The following POLD1 variants were observed in gnomAD, a reference collection of about 807,000 sequenced individuals.
The protein encoded by POLD1 is DNA polymerase delta catalytic subunit.
Under a neutral mutation model 129.7 loss-of-function variants are expected in POLD1, and 79 were observed. That is an observed-to-expected ratio of 0.61 (90% CI 0.51 to 0.73). POLD1 has a LOEUF of 0.73. Ranked by LOEUF, POLD1 falls within the 30% of genes least tolerant of loss-of-function variation. The pLI, the probability that POLD1 is intolerant of heterozygous loss-of-function variation, is 0.00. For missense variants in POLD1, 1,338 were observed against 1,595.8 expected (o/e 0.84, Z 2.75); for synonymous variants, 714 against 683.3 (o/e 1.04, Z -0.70).
intron 1 of POLD1, among the ~76,000 whole-genome samples, chr19:50,392,331 C>T (rs1172959013): frequency 6.6e-6 from 1 of 152,196 alleles, no homozygotes. Flanking sequence ...CTCCTGGCCT[C>T]AAGTGATCAT....
At chr19:50,395,875 A>ATTT (rs1910789546) in intron 1 of POLD1, among the ~76,000 whole-genome samples, 2 of 69,192 alleles carry the variant, frequency 2.9e-5, no homozygotes, top group African/African-American at 1.5e-4. Flanking sequence ...GAGGATATAT[A>ATTT]CTTTTTTTTT....
At chr19:50,416,231 G>A (rs2039282860) in intron 22 of POLD1, 165 bp from the exon 23 acceptor site, 2 of 660,140 alleles carry the variant, frequency 3.0e-6, no homozygotes, top group East Asian at 2.7e-5. Flanking sequence ...CAGACTCTGT[G>A]GCCCAGAGAC....
At position 50,413,521 on chromosome 19, in the gene POLD1, G is replaced by A. The variant is rs2039163019; in HGVS notation, c.2250G>A (p.Lys750=). 5 of 1,605,648 alleles carry A rather than the reference G, an allele frequency of 3.1e-6. No individual in the cohort carries two copies. Among genetic ancestry groups the A allele is most frequent in the Non-Finnish European group, 4.3e-6 (5 of 1,175,764 alleles). The change falls in exon 18 of 27, where the codon AAG becomes AAA. Residue 750 remains lysine (K), a splice_region_variant and synonymous_variant. Coordinates refer to ENST00000440232, the MANE Select transcript of POLD1 (RefSeq NM_002691.4). The part of the protein sequence containing the change: ...TVENGYSTSA[K]VVYGDTDSVM... ...AGAATGGCTACAGCACCAGTGCCAA[G>A]GTCGGGGGCTGCCCACCGCTGCCCT... is the stretch of plus-strand genomic sequence containing the variant.
chr19:50,390,369 A>G (rs2038115016), intron 1 of POLD1, among the ~76,000 whole-genome samples: 1 of 151,784 alleles, frequency 6.6e-6, no homozygotes, highest in South Asian at 2.1e-4. Context: ...ATGGAGTCTC[A>G]TTTGTGTGTA....
chr19:50,387,070 T>C (rs3219303), intron 1 of POLD1, among the ~76,000 whole-genome samples: 16,896 of 152,014 alleles, frequency 0.11, 1,048 homozygotes, highest in South Asian at 0.2. Context: ...TGGGCGCCTG[T>C]AATCCCAGCA....
In POLD1 at chr19:50,409,206, C is replaced by T. The variant is rs45605236; in HGVS notation, c.1977C>T (p.Ile659=). 3.6e-3 allele frequency: 5,768 copies of T among 1,612,682 alleles called. 23 individuals carry two copies. Among genetic ancestry groups the T allele is most frequent in the Admixed American group, 4.8e-3 (287 of 60,024 alleles). ...TSVRKGLLPQ[I]LENLLSARKR... ...TGCGGAAGGGGCTGCTGCCCCAGAT[C>T]CTGGAGAACCTGCTCAGTGCCCGGA... Residue 659 remains isoleucine, a synonymous_variant, in exon 16 of 27, where the codon ATC becomes ATT. Transcript: ENST00000440232. This position sits in a 1 kb window ranked among gnomAD's most constrained non-coding sequence, Gnocchi z 5.8.
intron 8 of POLD1, 83 bp downstream of exon 8, chr19:50,402,824 G>T (rs1384923633): frequency 1.3e-6 from 2 of 1,520,796 alleles, no homozygotes; most frequent in Non-Finnish European, 1.8e-6. Context: ...TGGAGGGAAT[G>T]GCAAGCATGA....
intron 1 of POLD1, among the ~76,000 whole-genome samples, chr19:50,387,179 A>C (rs2038000768): frequency 6.6e-6 from 1 of 152,030 alleles, no homozygotes; most frequent in Admixed American, 6.6e-5. Flanking sequence ...AACTAGCTGG[A>C]CATGGTGGGC....
rs2039293584 is a variant in POLD1, at chr19:50,416,438, C to A, written c.2863C>A (p.Gln955Lys). 2 of 1,550,054 alleles carry A rather than the reference C, an allele frequency of 1.3e-6. No homozygotes were observed. Among genetic ancestry groups the A allele is most frequent in the Non-Finnish European group, 1.7e-6 (2 of 1,147,460 alleles). ...VLEHSLPIDT[Q>K]YYLEQQLAKP... ...GGAGCACAGCCTGCCCATTGACACG[C>A]AGTACTACCTGGAGCAGCAGCTGGC... is the stretch of plus-strand genomic sequence containing the variant. The change falls in exon 23 of 27, where the codon CAG becomes AAG. Residue 955 changes from glutamine to lysine, a missense_variant. By Grantham distance (53) the Gln-to-Lys change is moderately conservative. Transcript: ENST00000440232.
chr19:50,416,811 C>A, intron 24 of POLD1, 88 bp downstream of exon 24: 2 of 1,123,370 alleles, frequency 1.8e-6, no homozygotes, highest in Non-Finnish European at 2.5e-6. Flanking sequence ...CATCGGCTGG[C>A]ACTGCCACCC....
chr19:50,416,277 C>T, intron 22 of POLD1, 119 bp from the exon 23 acceptor site: 6 of 1,057,734 alleles, frequency 5.7e-6, no homozygotes, highest in Non-Finnish European at 8.2e-6. Context: ...ACCCAGGCCC[C>T]CCCCATGTCA....
chr19:50,416,257 C>A, intron 22 of POLD1, 139 bp from the exon 23 acceptor site: 1 of 833,380 alleles, frequency 1.2e-6, no homozygotes. Flanking sequence ...GACCTCCGAC[C>A]CCATCCCAGA....
chr19:50,393,104 G>C (rs73935707), intron 1 of POLD1, among the ~76,000 whole-genome samples: 1 of 152,084 alleles, frequency 6.6e-6, no homozygotes, highest in Non-Finnish European at 1.5e-5. Flanking sequence ...TATCTACAGT[G>C]TACGTCCCTA....
chr19:50,416,677 A>G lies in POLD1; in HGVS notation c.3021A>G (p.Lys1007=), dbSNP rs2122497259. 1.3e-6 allele frequency: 2 copies of G among 1,555,236 alleles called. No individual in the cohort carries two copies. Among genetic ancestry groups the G allele is most frequent in the Admixed American group, 1.9e-5 (1 of 52,604 alleles). The change falls in exon 24 of 27, where the codon AAA becomes AAG. Residue 1007 remains lysine, a synonymous_variant. Transcript: ENST00000440232. Reference sequence around the variant, plus strand: ...TGGGCGGCCTCCTGGCCTTCGCCAAACGCCGCAACTGCTGCATTGGCTGCC... The same window carrying G: ...TGGGCGGCCTCCTGGCCTTCGCCAAGCGCCGCAACTGCTGCATTGGCTGCC... ...GKVGGLLAFA[K]RRNCCIGCRT...
intron 1 of POLD1, among the ~76,000 whole-genome samples, chr19:50,397,310 A>G (rs2038406446): frequency 6.6e-6 from 1 of 151,498 alleles, no homozygotes; most frequent in South Asian, 2.1e-4. Context: ...GAGGCAGAAG[A>G]ATTGCTTGAA....
chr19:50,417,680 CCA>C lies in POLD1; in HGVS notation c.3219-160_3219-159del, dbSNP rs1491207054. On this transcript the variant is annotated intron_variant, in intron 26 of 26. Transcript: ENST00000440232. ...ACCCGCTGTTATCGGCTCCCCCCCCCCACCCCCCCCGTGCCTGCTGAGCAAAC... is the reference window on the plus strand; with the variant it reads ...ACCCGCTGTTATCGGCTCCCCCCCCCCCCCCCCCGTGCCTGCTGAGCAAAC... Among the ~76,000 whole-genome samples, 55 of 100,692 alleles carry C rather than the reference CCA, an allele frequency of 5.5e-4. 1 individual carries two copies. Among genetic ancestry groups the C allele is most frequent in the African/African-American group, 3.4e-3 (52 of 15,122 alleles). The allele number at this position is 100,692 out of a possible 152,430, so 66.1% of individuals were successfully genotyped here.
At chr19:50,405,515 G>A (rs2038843583) in intron 10 of POLD1, among the ~76,000 whole-genome samples, 1 of 152,158 alleles carries the variant, frequency 6.6e-6, no homozygotes, top group Non-Finnish European at 1.5e-5. Context: ...GATCGATGGA[G>A]CCCAGGAGTT....
chr19:50,395,533 G>A (rs1326207582), intron 1 of POLD1, among the ~76,000 whole-genome samples: 2 of 151,352 alleles, frequency 1.3e-5, no homozygotes, highest in African/African-American at 2.4e-5. Flanking sequence ...GCAGTGAGCC[G>A]AGATCGCGCC....
intron 1 of POLD1, among the ~76,000 whole-genome samples, chr19:50,396,623 G>A (rs3219358): frequency 0.22 from 33,297 of 151,192 alleles, 4,716 homozygotes; most frequent in East Asian, 0.7. Context: ...GACTACAGGC[G>A]CCCACCACCA....
Sources: gnomAD v4.1 joint callset for allele counts (sites outside exome capture counted in the v4.1 genomes callset) on GRCh38, gnomAD v4.1.1 for gene constraint, Gnocchi (gnomAD v3.1) non-coding constraint, MANE v1.5 for transcripts, NCBI Gene and HGNC (gene_info 2026-07-23, HGNC 2026-07-21) for gene names.